The following WDR64 variants were observed in gnomAD, a reference collection of about 807,000 sequenced individuals.
WDR64 encodes WD repeat-containing protein 64.
Under a neutral mutation model 139.3 loss-of-function variants are expected in WDR64, and 112 were observed. The observed-to-expected ratio is 0.80, with a 90% CI of 0.69 to 0.94. WDR64 has a LOEUF of 0.94. Among genes scored for constraint, WDR64 ranks in the 40% least tolerant of loss-of-function variants. The pLI is 0.00. For missense variants in WDR64, 1,206 were observed against 1,293.1 expected, an observed-to-expected ratio of 0.93 and a Z score of 1.03; for synonymous variants, 444 against 437.7, an observed-to-expected ratio of 1.01 and a Z score of -0.18.
chr1:241,672,851 T>C (rs143901131), intron 3 of WDR64, among the ~76,000 whole-genome samples: 13 of 151,918 alleles, frequency 8.6e-5, no homozygotes, highest in African/African-American at 3.1e-4. Context: ...GGAGCTAAGG[T>C]TGGAGAAGCA....
intron 10 of WDR64, among the ~76,000 whole-genome samples, chr1:241,728,823 C>CTTTTT (rs66478639): frequency 0.14 from 20,075 of 148,482 alleles, 1,415 homozygotes; most frequent in East Asian, 0.19. Context: ...TTCTCTTCTT[C>CTTTTT]TTTTTTTTTT....
Position 241,670,468 on chromosome 1 carries a change from T to A in WDR64, c.277-606T>A, listed in dbSNP as rs549417952. Among the ~76,000 whole-genome samples, 3 of 152,096 alleles carry A rather than the reference T, an allele frequency of 2.0e-5. No individual in the cohort carries two copies. In the East Asian group the frequency reaches 5.8e-4, roughly 29 times the overall value. ...CCCTGCATGATGAGGACTGATTTGA[T>A]TTCCAAGTAAGTGCCAGCTCCGAAT... On this transcript the variant is annotated intron_variant, in intron 2 of 27. Transcript: ENST00000437684.
Position 241,772,808 on chromosome 1 carries a change from A to G in WDR64, c.2307A>G (p.Val769=). ...CTCGAATAGGTGAACAAACAGATGT[A>G]ATGGTGGGAAAGCAACAGCCAATGG... ...DSEVKGEQTD[V]MVGKQQPMDK... is the part of the protein sequence containing the mutation. The change falls in exon 20 of 28, where the codon GTA becomes GTG. Residue 769 remains valine (V), a synonymous_variant. Coordinates refer to ENST00000437684, the MANE Select transcript of WDR64 (RefSeq NM_001367482.1). 1 of 1,551,822 alleles carries G rather than the reference A, an allele frequency of 6.4e-7. No individual in the cohort carries two copies. The highest frequency in any genetic ancestry group is 8.7e-7 in the Non-Finnish European group (1 of 1,147,018).
rs757236788 is a variant in WDR64 at position 241,744,387 on chromosome 1, C to A, written c.1471-6C>A. ...GATTACTTGATATTTTCGTTCTTTCCCATAGGTATGGGAACTCGAGACTGG... is the reference window on the plus strand; with the variant it reads ...GATTACTTGATATTTTCGTTCTTTCACATAGGTATGGGAACTCGAGACTGG... On this transcript the variant is annotated splice_polypyrimidine_tract_variant and splice_region_variant and intron_variant, in intron 12 of 27. Transcript: ENST00000437684. The A allele has an allele frequency of 2.5e-6, 4 of 1,613,438 alleles. No individual in the cohort carries two copies. In the African/African-American group the frequency reaches 5.3e-5, roughly 22 times the overall value.
At chr1:241,742,904 G>A (rs1427804525) in intron 12 of WDR64, among the ~76,000 whole-genome samples, 3 of 152,160 alleles carry the variant, frequency 2.0e-5, no homozygotes, top group African/African-American at 7.2e-5. Flanking sequence ...GGCAGTGATG[G>A]CTGGAGGTGT....
In WDR64 at chr1:241,802,297, T is replaced by C. The variant is rs1391965367; in HGVS notation, c.*1082T>C. Among the ~76,000 whole-genome samples, 1 of 152,134 alleles carries C rather than the reference T, an allele frequency of 6.6e-6. No homozygotes were observed. Among genetic ancestry groups the C allele is most frequent in the African/African-American group, 2.4e-5 (1 of 41,438 alleles). ...AGTCAAAAAAACTTTACAGAAAGAA[T>C]ACATGTTGTATGATTCCACGTTTAT... On this transcript the variant is annotated 3_prime_UTR_variant, in exon 28 of 28. Transcript: ENST00000437684.
chr1:241,784,953 G>GAA (rs58720618), intron 23 of WDR64, among the ~76,000 whole-genome samples: 20 of 62,246 alleles, frequency 3.2e-4, no homozygotes, highest in African/African-American at 6.0e-4. Flanking sequence ...GACTCTGTCT[G>GAA]AAAAAAAAAA....
In WDR64 at chr1:241,766,222, C is replaced by T; in HGVS notation, c.1952C>T (p.Pro651Leu). 1 of 1,612,712 alleles carries T rather than the reference C, an allele frequency of 6.2e-7. No homozygotes were observed. Among genetic ancestry groups the T allele is most frequent in the Non-Finnish European group, 8.5e-7 (1 of 1,179,270 alleles). ...TCTGTTTCCTTCGTTCTTCAGAATC[C>T]CACCATGGATTTATTACGAGTGAAC... is the stretch of plus-strand genomic sequence containing the variant. ...ERNFSQPTDN[P>L]TMDLLRVNCI... Residue 651 changes from proline (P) to leucine (L), a missense_variant, in exon 16 of 28, where the codon CCC (proline) becomes CTC (leucine). Pro to Leu is a moderately conservative substitution (Grantham distance 98, BLOSUM62 -3). Transcript: ENST00000437684.
rs899405206 is a variant in WDR64, at chr1:241,741,394, C to T, written c.1322-122C>T. Reference sequence around the variant, plus strand: ...TTCTCACCTCATTACATTTCCTAGGCATTGATTGATATTGCTAATCTCACT... The same window carrying T: ...TTCTCACCTCATTACATTTCCTAGGTATTGATTGATATTGCTAATCTCACT... On this transcript the variant is annotated intron_variant, in intron 11 of 27. Coordinates refer to ENST00000437684, the MANE Select transcript of WDR64 (RefSeq NM_001367482.1). 8 of 684,606 alleles carry T rather than the reference C, an allele frequency of 1.2e-5. No individual in the cohort carries two copies. In the African/African-American group the frequency reaches 1.5e-4, roughly 13 times the overall value. The allele number at this position is 684,606 out of a possible 1,614,324, so 42.4% of individuals were successfully genotyped here.
chr1:241,660,342 T>C (rs965970556), intron 1 of WDR64, among the ~76,000 whole-genome samples, 188 bp from the exon 2 acceptor site: 7 of 152,190 alleles, frequency 4.6e-5, no homozygotes, highest in Non-Finnish European at 1.0e-4. Flanking sequence ...AGTCAGGTAG[T>C]GTGATGCCTC....
intron 1 of WDR64, among the ~76,000 whole-genome samples, chr1:241,658,901 CTTT>C (rs35261788): frequency 2.1e-4 from 32 of 148,954 alleles, no homozygotes; most frequent in Admixed American, 4.0e-4. Flanking sequence ...AACACAAGAT[CTTT>C]TTTTTTTTTT....
intron 10 of WDR64, among the ~76,000 whole-genome samples, chr1:241,726,733 A>T (rs571319140): frequency 5.6e-4 from 83 of 149,462 alleles, no homozygotes; most frequent in African/African-American, 2.0e-3. Context: ...ATCAATTTTA[A>T]AACATAACGT....
chr1:241,732,988 CT>C (rs1669148704), intron 10 of WDR64, among the ~76,000 whole-genome samples: 1 of 152,076 alleles, frequency 6.6e-6, no homozygotes, highest in Admixed American at 6.5e-5. Flanking sequence ...TTTCAAACTT[CT>C]TCTACTTCAT....
rs547694842 is a variant in WDR64, at chr1:241,708,954, T to C, written c.975-2848T>C. 7.2e-5 allele frequency among the ~76,000 whole-genome samples: 11 copies of C among 152,262 alleles called. No homozygotes were observed. In the East Asian group the frequency reaches 2.1e-3, roughly 29 times the overall value. ...GGTAAAGTTAAGATGTTGATAAAGT[T>C]GTATATACAGGTCTAAGGATAACTA... On this transcript the variant is annotated intron_variant, in intron 8 of 27. Coordinates refer to ENST00000437684, the MANE Select transcript of WDR64 (RefSeq NM_001367482.1).
In WDR64 at chr1:241,687,613, T is replaced by C. The variant is rs1423000993; in HGVS notation, c.974+18T>C. 1.2e-6 allele frequency: 2 copies of C among 1,605,260 alleles called. No individual in the cohort carries two copies. The highest frequency in any genetic ancestry group is 2.2e-5 in the East Asian group (1 of 44,772). On this transcript the variant is annotated intron_variant, in intron 8 of 27. Coordinates refer to ENST00000437684, the MANE Select transcript of WDR64 (RefSeq NM_001367482.1). ...GATAATTTGTAAGTATAGTAATTTA[T>C]ATACATGAACAGTCTGTGAATTTCA...
intron 4 of WDR64, among the ~76,000 whole-genome samples, chr1:241,675,125 T>C (rs1217498479): frequency 8.9e-5 from 4 of 44,884 alleles, no homozygotes; most frequent in African/African-American, 2.3e-4. Flanking sequence ...CCCTCCCTCC[T>C]TCCCTCCTTC....
intron 17 of WDR64, chr1:241,770,405 A>G: frequency 2.3e-6 from 1 of 436,332 alleles, no homozygotes; most frequent in Non-Finnish European, 4.1e-6. Flanking sequence ...GGAGCAATAA[A>G]CCTTATTTGC....
In WDR64 at chr1:241,775,205, A is replaced by C; in HGVS notation, c.2531A>C (p.Asn844Thr). The C allele has an allele frequency of 6.5e-7, 1 of 1,549,608 alleles. No homozygotes were observed. The highest frequency in any genetic ancestry group is 8.7e-7 in the Non-Finnish European group (1 of 1,146,498). The change falls in exon 21 of 28, where the codon AAT (asparagine) becomes ACT (threonine). Residue 844 changes from asparagine to threonine, a missense_variant. Transcript: ENST00000437684. Reference protein sequence around the residue: ...DSCTRILLAGNVEGHVILCNI... With the variant: ...DSCTRILLAGTVEGHVILCNI... Reference sequence around the variant, plus strand: ...TGTACGAGGATACTACTGGCTGGAAATGTGGGTGAGTCATTACTCTTAGAC... The same window carrying C: ...TGTACGAGGATACTACTGGCTGGAACTGTGGGTGAGTCATTACTCTTAGAC...
chr1:241,769,628 C>A (rs909043241), intron 17 of WDR64, 123 bp downstream of exon 17: 1 of 856,046 alleles, frequency 1.2e-6, no homozygotes, highest in Non-Finnish European at 1.8e-6. Flanking sequence ...TACTTCATCC[C>A]AGCATTAAAG....
Sources: allele counts gnomAD v4.1 joint callset (sites outside exome capture counted in the v4.1 genomes callset), GRCh38; gene constraint gnomAD v4.1.1; transcripts MANE v1.5; gene names NCBI Gene and HGNC (gene_info 2026-07-23, HGNC 2026-07-21).